Variants in LDLRAD3 observed in about 807,000 individuals in gnomAD.
LDLRAD3 encodes low density lipoprotein receptor class A domain containing 3.
LDLRAD3 carries 20 observed loss-of-function variants against 29.4 expected under a neutral mutation model. The ratio of observed to expected loss-of-function variants is 0.68; its 90% CI spans 0.48 to 0.99. LDLRAD3 has a LOEUF of 0.99. Among genes scored for constraint, LDLRAD3 ranks in the 50% least tolerant of loss-of-function variants. LDLRAD3 has a pLI of 0.00. For synonymous variants in LDLRAD3, 157 were observed against 192.7 expected (o/e 0.81, Z 1.53); for missense variants, 420 against 454.3 (o/e 0.92, Z 0.69).
chr11:36,024,786 C>T (rs1422058520), intron 1 of LDLRAD3, among the ~76,000 whole-genome samples: 1 of 152,234 alleles, frequency 6.6e-6, no homozygotes, highest in Non-Finnish European at 1.5e-5. Flanking sequence ...GAGCCTTGCT[C>T]AGCCTTCTGC....
At chr11:36,123,080 G>C (rs1158972072) in intron 4 of LDLRAD3, among the ~76,000 whole-genome samples, 2 of 152,054 alleles carry the variant, frequency 1.3e-5, no homozygotes, top group Admixed American at 1.3e-4. Context: ...CCGACTGCTT[G>C]GGAGGTTGAG....
At chr11:36,046,587 C>T (rs2133219402) in intron 2 of LDLRAD3, among the ~76,000 whole-genome samples, 1 of 152,270 alleles carries the variant, frequency 6.6e-6, no homozygotes, top group East Asian at 1.9e-4. Flanking sequence ...TTTATCTTAA[C>T]TTCATTATAT....
At chr11:36,078,687 C>T (rs1279241515) in intron 2 of LDLRAD3, among the ~76,000 whole-genome samples, 1 of 152,182 alleles carries the variant, frequency 6.6e-6, no homozygotes, top group Non-Finnish European at 1.5e-5. Context: ...CTCCTGCCTG[C>T]TCCATGCTTC....
At chr11:36,114,501 A>C (rs938383970) in intron 4 of LDLRAD3, among the ~76,000 whole-genome samples, 24 of 152,292 alleles carry the variant, frequency 1.6e-4, no homozygotes, top group African/African-American at 5.5e-4. Context: ...GAGTGTGATC[A>C]AGGTGACAGT....
In LDLRAD3 at chr11:35,944,157, G is replaced by A. The variant is rs1395100489; in HGVS notation, c.46+13G>A. ...AGCAGCGCCGCGGGTGAGTCGGGGG[G>A]CGGCCGGCGAACTTCCCGCGGGGCG... On this transcript the variant is annotated intron_variant, in intron 1 of 5. Transcript: ENST00000315571. This position sits in a 1 kb window ranked among gnomAD's most constrained non-coding sequence, Gnocchi z 4.9. The A allele has an allele frequency of 6.8e-6, 7 of 1,025,770 alleles. No individual in the cohort carries two copies. Among genetic ancestry groups the A allele is most frequent in the Non-Finnish European group, 8.2e-6 (7 of 857,964 alleles). The allele number at this position is 1,025,770 out of a possible 1,614,324, so 63.5% of individuals were successfully genotyped here.
At chr11:35,980,495 G>A (rs1851527232) in intron 1 of LDLRAD3, among the ~76,000 whole-genome samples, 1 of 152,162 alleles carries the variant, frequency 6.6e-6, no homozygotes. Context: ...GTTAATGAGT[G>A]TATGTGAACT....
intron 4 of LDLRAD3, among the ~76,000 whole-genome samples, chr11:36,114,467 A>C (rs1853647740): frequency 2.0e-5 from 3 of 152,206 alleles, no homozygotes; most frequent in African/African-American, 7.2e-5. Context: ...ACCCTTGGAA[A>C]GCCAAGCTTT....
Position 36,005,997 on chromosome 11 carries a change from C to T in LDLRAD3, c.47-30106C>T, listed in dbSNP as rs532899429. ...CTCCTACTAGGCCCCTCCTCCAATT[C>T]GACATGAGATTTGGACAGAGACACA... On this transcript the variant is annotated intron_variant, in intron 1 of 5. Transcript: ENST00000315571. Among the ~76,000 whole-genome samples, 8 of 152,222 alleles carry T rather than the reference C, an allele frequency of 5.3e-5. No homozygotes were observed. The East Asian group carries it at 7.7e-4, about 15-fold the overall frequency.
chr11:35,982,301 C>G (rs1046062381), intron 1 of LDLRAD3, among the ~76,000 whole-genome samples: 1 of 152,066 alleles, frequency 6.6e-6, no homozygotes. Flanking sequence ...TCTCTGCCTT[C>G]GTCGTGACAT....
At chr11:36,193,620 C>T (rs1854988720) in intron 4 of LDLRAD3, among the ~76,000 whole-genome samples, 2 of 152,152 alleles carry the variant, frequency 1.3e-5, no homozygotes, top group South Asian at 4.2e-4. Context: ...TCGCATGCCC[C>T]TCCCAGCTCT....
At chr11:36,084,647 A>G (rs1026021982) in intron 3 of LDLRAD3, among the ~76,000 whole-genome samples, 2 of 152,218 alleles carry the variant, frequency 1.3e-5, no homozygotes, top group African/African-American at 4.8e-5. Flanking sequence ...CAGCTAATAG[A>G]AGAATAAAGA....
chr11:36,056,721 C>T (rs1852626591), intron 2 of LDLRAD3, among the ~76,000 whole-genome samples: 1 of 152,194 alleles, frequency 6.6e-6, no homozygotes, highest in African/African-American at 2.4e-5. Context: ...TGGCTTGAAG[C>T]ATCAGAACCT....
chr11:35,960,834 A>G (rs1162133071), intron 1 of LDLRAD3, among the ~76,000 whole-genome samples: 2 of 152,096 alleles, frequency 1.3e-5, no homozygotes, highest in Non-Finnish European at 2.9e-5. Context: ...TGACCTCATG[A>G]TCCGCCCGCC....
chr11:35,968,937 A>G (rs1851375982), intron 1 of LDLRAD3, among the ~76,000 whole-genome samples: 1 of 152,172 alleles, frequency 6.6e-6, no homozygotes, highest in Non-Finnish European at 1.5e-5. Flanking sequence ...TAACTGGCAG[A>G]TGGGACTCTG....
intron 4 of LDLRAD3, among the ~76,000 whole-genome samples, chr11:36,181,850 G>A (rs988431735): frequency 2.6e-5 from 4 of 152,134 alleles, no homozygotes; most frequent in African/African-American, 9.7e-5. Context: ...GGGATGAGAG[G>A]ATGGAAGTCA....
Position 36,081,650 on chromosome 11 carries a change from C to A in LDLRAD3, c.194-3C>A. ...GTCTTGCTGTTTCTTTTTCTTCCTG[C>A]AGCCAAGGCTAAGTCGAAATGTGGC... is the stretch of plus-strand genomic sequence containing the variant. On this transcript the variant is annotated splice_region_variant and splice_polypyrimidine_tract_variant and intron_variant, in intron 2 of 5. Transcript: ENST00000315571. The A allele has an allele frequency of 6.2e-7, 1 of 1,614,212 alleles. No homozygotes were observed. The highest frequency in any genetic ancestry group is 8.5e-7 in the Non-Finnish European group (1 of 1,180,024).
intron 4 of LDLRAD3, among the ~76,000 whole-genome samples, chr11:36,140,175 T>C (rs1342796237): frequency 6.6e-6 from 1 of 152,158 alleles, no homozygotes; most frequent in African/African-American, 2.4e-5. Flanking sequence ...TAACGAAGAC[T>C]TACCTGGGCA....
At chr11:36,083,688 C>T (rs554052892) in intron 3 of LDLRAD3, among the ~76,000 whole-genome samples, 1 of 151,462 alleles carries the variant, frequency 6.6e-6, no homozygotes, top group Non-Finnish European at 1.5e-5. Context: ...TCAGCTTGAT[C>T]TCTGCTTCCT....
intron 1 of LDLRAD3, among the ~76,000 whole-genome samples, chr11:36,029,459 A>G (rs1295344154): frequency 6.6e-6 from 1 of 152,112 alleles, no homozygotes; most frequent in Non-Finnish European, 1.5e-5. Flanking sequence ...CATCTTCCAG[A>G]GTTGCTGTCA....
Sources: allele counts gnomAD v4.1 joint callset (sites outside exome capture counted in the v4.1 genomes callset), GRCh38; gene constraint gnomAD v4.1.1; non-coding constraint Gnocchi (gnomAD v3.1); transcripts MANE v1.5; gene names NCBI Gene and HGNC (gene_info 2026-07-23, HGNC 2026-07-21).